SENP2: variants seen among roughly 807,000 people sequenced by gnomAD.
SENP2 encodes SUMO specific peptidase 2.
A neutral mutation model predicts 86.3 loss-of-function variants in SENP2; 16 were observed. The observed-to-expected ratio is 0.19, with a 90% CI of 0.13 to 0.28. The LOEUF is 0.28. SENP2 is among the 10% of genes least tolerant of loss of function. The pLI is 1.00. For missense variants in SENP2, 552 were observed against 703.0 expected (o/e 0.79, Z 2.43); for synonymous variants, 222 against 238.7 (o/e 0.93, Z 0.64).
chr3:185,595,520 T>C (rs1277487537), intron 2 of SENP2, among the ~76,000 whole-genome samples: 1 of 152,260 alleles, frequency 6.6e-6, no homozygotes, highest in Non-Finnish European at 1.5e-5. Flanking sequence ...GTTATTCCCC[T>C]ATGTTTCTGG....
In SENP2 at chr3:185,624,073, G is replaced by A; in HGVS notation, c.1602G>A (p.Met534Ile). The A allele has an allele frequency of 6.2e-7, 1 of 1,607,936 alleles. No homozygotes were observed. Among genetic ancestry groups the A allele is most frequent in the Non-Finnish European group, 8.5e-7 (1 of 1,175,708 alleles). ...TTTTAGAGTGGACCCATCACAGCAT[G>A]AAACCACACGTGAGTGACGATCATC... Reference protein sequence around the residue: ...LNLLEWTHHSMKPHEIPQQLN... With the variant: ...LNLLEWTHHSIKPHEIPQQLN... Residue 534 changes from methionine (M) to isoleucine (I), a missense_variant, in exon 15 of 17, where the codon ATG becomes ATA. By Grantham distance (10) the Met-to-Ile change is conservative. Around this residue, in one of 2 missense-constraint regions of SENP2, gnomAD observed 169 missense variants for 275.7 expected, o/e 0.61. Transcript: ENST00000296257.
chr3:185,612,002 C>T (rs1722717361), intron 8 of SENP2, among the ~76,000 whole-genome samples: 2 of 151,980 alleles, frequency 1.3e-5, no homozygotes, highest in Admixed American at 1.3e-4. Flanking sequence ...ACTAAAAATA[C>T]AAAAATTAGC....
chr3:185,628,537 G>A (rs922098166), intron 16 of SENP2, among the ~76,000 whole-genome samples: 5 of 150,452 alleles, frequency 3.3e-5, no homozygotes, highest in South Asian at 2.1e-4. Flanking sequence ...ACGGAGTTTC[G>A]TTCTTGTTGC....
chr3:185,616,269 G>A (rs1334046981), intron 11 of SENP2, among the ~76,000 whole-genome samples: 3 of 142,782 alleles, frequency 2.1e-5, no homozygotes, highest in Non-Finnish European at 3.1e-5. Context: ...TCAGGAGTTC[G>A]AGACCAGCCT....
chr3:185,609,130 C>T, intron 6 of SENP2, 117 bp from the exon 7 acceptor site: 1 of 639,742 alleles, frequency 1.6e-6, no homozygotes, highest in East Asian at 2.8e-5. Context: ...GTAATTAATT[C>T]AAAGAAATAT....
intron 5 of SENP2, among the ~76,000 whole-genome samples, chr3:185,602,759 G>A (rs189491817): frequency 4.8e-4 from 71 of 146,938 alleles, no homozygotes; most frequent in African/African-American, 1.6e-3. Flanking sequence ...GCTTGAACCC[G>A]GAAGCAGAGG....
chr3:185,598,779 C>T (rs1722255240), intron 3 of SENP2, among the ~76,000 whole-genome samples, 179 bp from the exon 4 acceptor site: 1 of 152,066 alleles, frequency 6.6e-6, no homozygotes, highest in African/African-American at 2.4e-5. Context: ...TAAGGATGTA[C>T]AAAGAAACTA....
chr3:185,623,842 A>AAAAAAAAAAAAAAAAAAAAAAAAAAC (rs1712009122), intron 14 of SENP2, among the ~76,000 whole-genome samples, 156 bp from the exon 15 acceptor site: 1 of 151,334 alleles, frequency 6.6e-6, no homozygotes, highest in Non-Finnish European at 1.5e-5. Flanking sequence ...AAAAAAAAAA[A>AAAAAAAAAAAAAAAAAAAAAAAAAAC]AAAAAAAATC....
chr3:185,616,131 G>T (rs1176365927), intron 11 of SENP2, among the ~76,000 whole-genome samples: 2 of 149,138 alleles, frequency 1.3e-5, no homozygotes, highest in African/African-American at 4.9e-5. Flanking sequence ...AAAGTGCTGG[G>T]ATTACAGGCG....
intron 5 of SENP2, among the ~76,000 whole-genome samples, chr3:185,601,838 A>G (rs577794338): frequency 6.6e-6 from 1 of 151,836 alleles, no homozygotes; most frequent in African/African-American, 2.4e-5. Context: ...AGGTTTCACC[A>G]TGTTGGCCAG....
At chr3:185,599,120 T>G (rs1577722369) in intron 4 of SENP2, 96 bp downstream of exon 4, 1 of 848,504 alleles carries the variant, frequency 1.2e-6, no homozygotes, top group East Asian at 2.5e-5. Flanking sequence ...CTGATTTGAA[T>G]TGGGATGAGA....
chr3:185,600,677 G>A, intron 4 of SENP2, 88 bp from the exon 5 acceptor site: 1 of 797,638 alleles, frequency 1.3e-6, no homozygotes, highest in Non-Finnish European at 2.2e-6. Context: ...CTATGATGTA[G>A]GTTGCTCACA....
intron 9 of SENP2, among the ~76,000 whole-genome samples, chr3:185,612,897 T>G (rs1722742561): frequency 6.6e-6 from 1 of 152,198 alleles, no homozygotes; most frequent in Non-Finnish European, 1.5e-5. Flanking sequence ...CACATGCTTC[T>G]TAGATGGGAG....
intron 6 of SENP2, among the ~76,000 whole-genome samples, chr3:185,607,824 T>C (rs13340181): frequency 0.38 from 57,981 of 152,048 alleles, 11,285 homozygotes; most frequent in South Asian, 0.56. Context: ...CCGCGTCCAG[T>C]CATAACTTGT....
At chr3:185,605,340 C>G (rs1722478345) in intron 5 of SENP2, among the ~76,000 whole-genome samples, 1 of 151,574 alleles carries the variant, frequency 6.6e-6, no homozygotes, top group Admixed American at 6.6e-5. Context: ...CATTGCACTC[C>G]TGCCTGGAGG....
chr3:185,590,891 AG>A (rs1302810641), intron 2 of SENP2, among the ~76,000 whole-genome samples: 21 of 139,376 alleles, frequency 1.5e-4, no homozygotes, highest in East Asian at 4.3e-4. Flanking sequence ...AAAAAAAAAA[AG>A]AAAGTCTCCT....
intron 1 of SENP2, among the ~76,000 whole-genome samples, chr3:185,587,667 C>A (rs1397550771): frequency 1.4e-5 from 2 of 147,638 alleles, no homozygotes; most frequent in Non-Finnish European, 3.0e-5. Context: ...CCGGGAGTCA[C>A]GCCATTCTCC....
intron 14 of SENP2, among the ~76,000 whole-genome samples, chr3:185,623,357 C>CTT: frequency 6.6e-6 from 1 of 151,736 alleles, no homozygotes; most frequent in Non-Finnish European, 1.5e-5. Flanking sequence ...TCAGGCTGGT[C>CTT]GCAAACTCCC....
chr3:185,611,476 C>T (rs1722684020), intron 7 of SENP2, 175 bp from the exon 8 acceptor site: 2 of 445,532 alleles, frequency 4.5e-6, no homozygotes, highest in Admixed American at 7.4e-5. Flanking sequence ...TTATTAGAAT[C>T]ATGATTAGAC....
Sources: allele counts gnomAD v4.1 joint callset (sites outside exome capture counted in the v4.1 genomes callset), GRCh38; gene constraint gnomAD v4.1.1; regional missense constraint gnomAD v4.1.1; transcripts MANE v1.5; gene names NCBI Gene and HGNC (gene_info 2026-07-23, HGNC 2026-07-21).